The following TMEM131L variants were observed in gnomAD, a reference collection of about 807,000 sequenced individuals.
TMEM131L encodes transmembrane protein 131-like.
TMEM131L carries 54 observed loss-of-function variants against 192.2 expected under a neutral mutation model. That is an observed-to-expected ratio of 0.28 (90% CI 0.23 to 0.35). The LOEUF is 0.35. Among genes scored for constraint, TMEM131L ranks in the 10% least tolerant of loss-of-function variants. TMEM131L has a pLI of 1.00. For synonymous variants in TMEM131L, 701 were observed against 704.9 expected (o/e 0.99, Z 0.09); for missense variants, 1,888 against 1,972.9 (o/e 0.96, Z 0.82).
intron 4 of TMEM131L, among the ~76,000 whole-genome samples, chr4:153,551,747 A>C (rs1737640326): frequency 1.3e-5 from 2 of 152,210 alleles, no homozygotes; most frequent in Non-Finnish European, 2.9e-5. Context: ...CCGACTTTAT[A>C]AAATTCTAGG....
intron 3 of TMEM131L, among the ~76,000 whole-genome samples, chr4:153,530,077 A>G (rs907293376): frequency 1.3e-5 from 2 of 151,824 alleles, no homozygotes; most frequent in Non-Finnish European, 2.9e-5. Context: ...GGAGAATACA[A>G]ACTCCTTGTA....
intron 7 of TMEM131L, among the ~76,000 whole-genome samples, chr4:153,568,923 T>A (rs1729403571): frequency 6.6e-6 from 1 of 152,182 alleles, no homozygotes. Flanking sequence ...AGTTACTAAC[T>A]CCTTCTCCCC....
At chr4:153,582,144 T>C (rs1395130764) in intron 9 of TMEM131L, among the ~76,000 whole-genome samples, 3 of 152,226 alleles carry the variant, frequency 2.0e-5, no homozygotes, top group Non-Finnish European at 4.4e-5. Flanking sequence ...CTAGTATCTT[T>C]TGGTTATCAA....
At chr4:153,480,299 A>G (rs893638084) in intron 3 of TMEM131L, among the ~76,000 whole-genome samples, 2 of 152,206 alleles carry the variant, frequency 1.3e-5, no homozygotes, top group Non-Finnish European at 2.9e-5. Flanking sequence ...AGATCGCGCC[A>G]CTGCACTCCA....
intron 7 of TMEM131L, among the ~76,000 whole-genome samples, chr4:153,579,001 A>G (rs1221038207): frequency 2.6e-5 from 4 of 152,200 alleles, no homozygotes; most frequent in Non-Finnish European, 5.9e-5. Context: ...TAAAAATTAA[A>G]AATCAGTTTC....
At chr4:153,627,005 G>A (rs1733890523) in intron 30 of TMEM131L, among the ~76,000 whole-genome samples, 1 of 152,202 alleles carries the variant, frequency 6.6e-6, no homozygotes, top group Non-Finnish European at 1.5e-5. Context: ...TAAGAAGGAG[G>A]AGAGTTCAGT....
chr4:153,585,266 T>TCCCCTCGGGCTTCCAGTTGCTC (rs1280325938), intron 12 of TMEM131L, among the ~76,000 whole-genome samples, 192 bp from the exon 13 acceptor site: 1 of 152,204 alleles, frequency 6.6e-6, no homozygotes, highest in Non-Finnish European at 1.5e-5. Context: ...CCTGGTTGCT[T>TCCCCTCGGGCTTCCAGTTGCTC]CCCCTCGGGC....
intron 3 of TMEM131L, among the ~76,000 whole-genome samples, chr4:153,508,352 A>G (rs906715778): frequency 3.9e-5 from 6 of 152,230 alleles, no homozygotes; most frequent in Non-Finnish European, 8.8e-5. Flanking sequence ...TGTGGTGTCC[A>G]TATGAGATGT....
At chr4:153,492,839 C>T (rs1366894113) in intron 3 of TMEM131L, among the ~76,000 whole-genome samples, 1 of 151,918 alleles carries the variant, frequency 6.6e-6, no homozygotes, top group East Asian at 1.9e-4. Context: ...AAAGAATAGA[C>T]TGGAAAGTGG....
At position 153,491,198 on chromosome 4, in the gene TMEM131L, G is replaced by A. The variant is rs866056520; in HGVS notation, c.239+17310G>A. Among the ~76,000 whole-genome samples the A allele has an allele frequency of 1.4e-4, 21 of 152,240 alleles. No individual in the cohort carries two copies. The East Asian group carries it at 1.5e-3, about 11-fold the overall frequency. Reference sequence around the variant, plus strand: ...TTTTTATTTCCACTTTTGAATTGGGGATAAAAGGGGAAACTGGTGAAGGAA... The same window carrying A: ...TTTTTATTTCCACTTTTGAATTGGGAATAAAAGGGGAAACTGGTGAAGGAA... On this transcript the variant is annotated intron_variant, in intron 3 of 34. Coordinates refer to ENST00000409959, the MANE Select transcript of TMEM131L (RefSeq NM_001131007.2).
intron 3 of TMEM131L, among the ~76,000 whole-genome samples, chr4:153,512,099 G>A (rs1734397907): frequency 1.3e-5 from 2 of 152,136 alleles, no homozygotes. Flanking sequence ...TCTTTTGAAA[G>A]AGTTTGTTCA....
At chr4:153,569,208 C>T (rs1208371395) in intron 7 of TMEM131L, among the ~76,000 whole-genome samples, 2 of 152,128 alleles carry the variant, frequency 1.3e-5, no homozygotes, top group Admixed American at 6.5e-5. Flanking sequence ...GTGCTCTTGA[C>T]CCTTTGGAAT....
intron 8 of TMEM131L, among the ~76,000 whole-genome samples, 158 bp from the exon 9 acceptor site, chr4:153,581,249 G>A (rs1051084774): frequency 3.3e-5 from 5 of 152,144 alleles, no homozygotes; most frequent in South Asian, 2.1e-4. Context: ...GTGAGACTCC[G>A]TCTCAAAATA....
intron 29 of TMEM131L, among the ~76,000 whole-genome samples, chr4:153,624,356 T>C (rs553670444): frequency 3.9e-5 from 6 of 152,344 alleles, no homozygotes; most frequent in African/African-American, 1.4e-4. Flanking sequence ...TGGCCTCAAG[T>C]GATCTGCCCG....
At position 153,558,289 on chromosome 4, in the gene TMEM131L, C is replaced by T; in HGVS notation, c.581C>T (p.Thr194Ile). Residue 194 changes from threonine to isoleucine, a missense_variant, in exon 7 of 35, where the codon ACA becomes ATA. Thr to Ile is a moderately conservative substitution (Grantham distance 89, BLOSUM62 -1). Transcript: ENST00000409959. ...VSGIGTRRIS[T>I]EGSAKQLPNA... ...GGAATTGGCACTCGTAGAATCTCTACAGAAGGGTCTGCAAAGCAGCTACCA... is the reference window on the plus strand; with the variant it reads ...GGAATTGGCACTCGTAGAATCTCTATAGAAGGGTCTGCAAAGCAGCTACCA... The T allele has an allele frequency of 6.2e-7, 1 of 1,607,804 alleles. No individual in the cohort carries two copies. Among genetic ancestry groups the T allele is most frequent in the Non-Finnish European group, 8.5e-7 (1 of 1,174,998 alleles).
At chr4:153,600,988 T>C (rs895894316) in intron 21 of TMEM131L, among the ~76,000 whole-genome samples, 2 of 151,872 alleles carry the variant, frequency 1.3e-5, no homozygotes, top group Non-Finnish European at 2.9e-5. Flanking sequence ...CACATGCCTG[T>C]AATCCCAGCT....
At chr4:153,535,191 G>A (rs1253226076) in intron 3 of TMEM131L, among the ~76,000 whole-genome samples, 3 of 152,156 alleles carry the variant, frequency 2.0e-5, no homozygotes, top group African/African-American at 4.8e-5. Flanking sequence ...GGGATGCGGG[G>A]TGTGAGAAAG....
At chr4:153,501,955 T>TTTG (rs1733641507) in intron 3 of TMEM131L, among the ~76,000 whole-genome samples, 3 of 149,980 alleles carry the variant, frequency 2.0e-5, no homozygotes, top group African/African-American at 7.5e-5. Flanking sequence ...TTTTTTTTTT[T>TTTG]TTTTTTTTTT....
At chr4:153,570,012 ATTTTATTTTAT>A (rs1199464427) in intron 7 of TMEM131L, among the ~76,000 whole-genome samples, 4 of 151,900 alleles carry the variant, frequency 2.6e-5, no homozygotes, top group Non-Finnish European at 5.9e-5. Context: ...TTTTTATTTT[ATTTTATTTTAT>A]TTTTATTTTA....
Sources: allele counts gnomAD v4.1 joint callset (sites outside exome capture counted in the v4.1 genomes callset), GRCh38; gene constraint gnomAD v4.1.1; transcripts MANE v1.5; gene names NCBI Gene and HGNC (gene_info 2026-07-23, HGNC 2026-07-21).